TAFA5: variants seen among roughly 807,000 people sequenced by gnomAD.
TAFA5 encodes TAFA chemokine like family member 5, also known as chemokine-like protein TAFA-5.
TAFA5 carries 6 observed loss-of-function variants against 15.3 expected under a neutral mutation model. The ratio of observed to expected loss-of-function variants is 0.39; its 90% CI spans 0.21 to 0.77. The LOEUF (loss-of-function observed/expected upper bound fraction) is 0.77, where lower values mean the gene tolerates loss of function less well. Ranked by LOEUF, TAFA5 falls within the 30% of genes least tolerant of loss-of-function variation. TAFA5 has a pLI of 0.41. For synonymous variants in TAFA5, 103 were observed against 80.7 expected, an observed-to-expected ratio of 1.28 and a Z score of -1.48; for missense variants, 161 against 193.1, an observed-to-expected ratio of 0.83 and a Z score of 0.98.
chr22:48,597,416 GGCTGGCTCACATGCAGAGTGTCCTGGGA>G (rs1401890350), intron 1 of TAFA5, among the ~76,000 whole-genome samples: 1 of 149,392 alleles, frequency 6.7e-6, no homozygotes, highest in Non-Finnish European at 1.5e-5. Flanking sequence ...GTTCCCCTCT[GGCTGGCTCACATGCAGAGTGTCCTGGGA>G]GCCACCTGCC....
chr22:48,733,762 T>C (rs1929932777), intron 3 of TAFA5, among the ~76,000 whole-genome samples: 1 of 152,078 alleles, frequency 6.6e-6, no homozygotes, highest in South Asian at 2.1e-4. Context: ...GCCCATCCGT[T>C]CGTGTGTTCA....
chr22:48,684,555 C>T (rs130105), intron 2 of TAFA5, among the ~76,000 whole-genome samples: 86,705 of 152,000 alleles, frequency 0.57, 26,534 homozygotes, highest in Non-Finnish European at 0.68. Context: ...CAGAGCAGAC[C>T]AGCCGCAATT....
intron 1 of TAFA5, among the ~76,000 whole-genome samples, chr22:48,607,273 C>CTGGGAGAT (rs1569045050): frequency 4.1e-4 from 57 of 137,494 alleles, no homozygotes; most frequent in African/African-American, 7.0e-4. Flanking sequence ...TCCCAGGTAC[C>CTGGGAGAT]TCAGCCTGGA....
intron 1 of TAFA5, among the ~76,000 whole-genome samples, chr22:48,527,843 C>T (rs1272511363): frequency 6.6e-6 from 1 of 152,204 alleles, no homozygotes; most frequent in African/African-American, 2.4e-5. Context: ...CCGGGTGTTT[C>T]ACGGGTAGAT....
At chr22:48,744,796 G>A (rs1007674129) in intron 3 of TAFA5, among the ~76,000 whole-genome samples, 6 of 152,056 alleles carry the variant, frequency 3.9e-5, no homozygotes, top group Non-Finnish European at 7.4e-5. Flanking sequence ...TTTCACTCTT[G>A]TTGCCCAGGC....
chr22:48,709,502 C>G (rs1204817474), intron 3 of TAFA5, among the ~76,000 whole-genome samples: 1 of 152,206 alleles, frequency 6.6e-6, no homozygotes, highest in African/African-American at 2.4e-5. Context: ...CAGGCGCAGC[C>G]TTTCGTTTCC....
intron 1 of TAFA5, among the ~76,000 whole-genome samples, chr22:48,512,075 C>T (rs1364804669): frequency 6.6e-6 from 1 of 152,178 alleles, no homozygotes; most frequent in African/African-American, 2.4e-5. Flanking sequence ...GTCAAGGGGC[C>T]CTCGCCACCC....
chr22:48,500,635 C>T (rs758525928), intron 1 of TAFA5, among the ~76,000 whole-genome samples: 2 of 152,260 alleles, frequency 1.3e-5, no homozygotes, highest in African/African-American at 2.4e-5. Context: ...CTGTGAAACA[C>T]GCATACTTAG....
Position 48,533,144 on chromosome 22 carries a change from C to T in TAFA5, c.112+43440C>T, listed in dbSNP as rs568522524. ...CCCCTGGGAGGCCTGTGCCTGCTGC[C>T]GCCCAGCCTGATGGAGTGGCCGGGG... On this transcript the variant is annotated intron_variant, in intron 1 of 3. Coordinates refer to ENST00000402357, the MANE Select transcript of TAFA5 (RefSeq NM_001082967.3). 4.1e-4 allele frequency among the ~76,000 whole-genome samples: 62 copies of T among 152,234 alleles called. 2 individuals carry two copies. The South Asian group carries it at 8.9e-3, about 22-fold the overall frequency.
intron 1 of TAFA5, among the ~76,000 whole-genome samples, chr22:48,557,532 G>A (rs572289198): frequency 3.3e-5 from 5 of 152,342 alleles, no homozygotes; most frequent in Admixed American, 3.3e-4. Context: ...GTCCCAGGTG[G>A]TGGTTAGATT....
chr22:48,700,074 C>T (rs1217803952), intron 2 of TAFA5, among the ~76,000 whole-genome samples: 1 of 152,238 alleles, frequency 6.6e-6, no homozygotes, highest in African/African-American at 2.4e-5. Flanking sequence ...ACCTCACACA[C>T]ATGGGCCCCT....
intron 2 of TAFA5, among the ~76,000 whole-genome samples, chr22:48,681,661 AAAAAAG>A (rs887376310): frequency 5.9e-5 from 9 of 151,440 alleles, no homozygotes; most frequent in South Asian, 4.2e-4. Flanking sequence ...CAAAAAAAAA[AAAAAAG>A]AAAAGAAAAA....
chr22:48,615,046 C>A (rs896246333), intron 1 of TAFA5, among the ~76,000 whole-genome samples: 3 of 152,150 alleles, frequency 2.0e-5, no homozygotes, highest in Admixed American at 6.5e-5. Context: ...TTTATTCAAA[C>A]AACCACAACC....
intron 1 of TAFA5, among the ~76,000 whole-genome samples, chr22:48,583,286 A>G (rs1924163938): frequency 7.0e-6 from 1 of 143,528 alleles, no homozygotes; most frequent in Non-Finnish European, 1.5e-5. Flanking sequence ...CCACACACAA[A>G]ATACACCACA....
At chr22:48,604,129 G>C (rs1461965842) in intron 1 of TAFA5, among the ~76,000 whole-genome samples, 2 of 152,218 alleles carry the variant, frequency 1.3e-5, no homozygotes, top group African/African-American at 4.8e-5. Context: ...ACAAATGAAG[G>C]GATTGCAGCT....
chr22:48,527,072 A>G lies in TAFA5; in HGVS notation c.112+37368A>G, dbSNP rs993889397. Among the ~76,000 whole-genome samples the G allele has an allele frequency of 2.6e-5, 4 of 152,342 alleles. No homozygotes were observed. The South Asian group carries it at 8.3e-4, about 32-fold the overall frequency. Reference sequence around the variant, plus strand: ...AGATGTGTGCATTTGGAGAACTCAGATGTAAGGGGCTTCATTGTAACAGCC... The same window carrying G: ...AGATGTGTGCATTTGGAGAACTCAGGTGTAAGGGGCTTCATTGTAACAGCC... On this transcript the variant is annotated intron_variant, in intron 1 of 3. Coordinates refer to ENST00000402357, the MANE Select transcript of TAFA5 (RefSeq NM_001082967.3).
chr22:48,608,653 T>C (rs924265584), intron 1 of TAFA5, among the ~76,000 whole-genome samples: 1 of 152,206 alleles, frequency 6.6e-6, no homozygotes, highest in Non-Finnish European at 1.5e-5. Context: ...TTGGCGCCAA[T>C]CCTGGTGAGG....
At chr22:48,612,469 C>T (rs1447528453) in intron 1 of TAFA5, among the ~76,000 whole-genome samples, 1 of 152,144 alleles carries the variant, frequency 6.6e-6, no homozygotes, top group Admixed American at 6.5e-5. Context: ...CCACCTGTTG[C>T]CTTCCCTGGG....
intron 2 of TAFA5, among the ~76,000 whole-genome samples, chr22:48,685,046 A>G (rs1569078298): frequency 6.6e-6 from 1 of 152,230 alleles, no homozygotes; most frequent in African/African-American, 2.4e-5. Context: ...AGTTACAGGC[A>G]AAGGCATAAG....
Sources: allele counts gnomAD v4.1 joint callset (sites outside exome capture counted in the v4.1 genomes callset), GRCh38; gene constraint gnomAD v4.1.1; transcripts MANE v1.5; gene names NCBI Gene and HGNC (gene_info 2026-07-23, HGNC 2026-07-21).